Variants in AGBL4 observed in about 807,000 individuals in gnomAD.
AGBL4 encodes cytosolic carboxypeptidase 6.
Under a neutral mutation model 66.4 loss-of-function variants are expected in AGBL4, and 58 were observed. The ratio of observed to expected loss-of-function variants is 0.87; its 90% CI spans 0.71 to 1.09. The LOEUF (loss-of-function observed/expected upper bound fraction) is 1.09, where lower values mean the gene tolerates loss of function less well. AGBL4 is among the 50% of genes least tolerant of loss of function. The pLI, the probability that AGBL4 is intolerant of heterozygous loss-of-function variation, is 0.00. For synonymous variants in AGBL4, 234 were observed against 222.9 expected, an observed-to-expected ratio of 1.05 and a Z score of -0.44; for missense variants, 579 against 631.0, an observed-to-expected ratio of 0.92 and a Z score of 0.88.
chr1:49,519,146 T>C (rs1166839959), intron 3 of AGBL4, among the ~76,000 whole-genome samples: 1 of 152,070 alleles, frequency 6.6e-6, no homozygotes. Context: ...CCATAGAAGA[T>C]AGAAAATAGA....
intron 1 of AGBL4, among the ~76,000 whole-genome samples, chr1:49,877,910 G>A (rs909303354): frequency 1.3e-5 from 2 of 152,032 alleles, no homozygotes; most frequent in African/African-American, 4.8e-5. Context: ...GTCTACGAAT[G>A]TATCCATTTC....
intron 6 of AGBL4, among the ~76,000 whole-genome samples, chr1:48,749,386 G>A (rs927255043): frequency 1.4e-4 from 22 of 152,142 alleles, no homozygotes; most frequent in African/African-American, 4.8e-4. Flanking sequence ...CACTAAACAC[G>A]TGTTTAGCGA....
chr1:49,601,714 A>G (rs890966949), intron 3 of AGBL4, among the ~76,000 whole-genome samples: 1 of 152,230 alleles, frequency 6.6e-6, no homozygotes, highest in Non-Finnish European at 1.5e-5. Context: ...AAGATGGATT[A>G]GAGACTTAAA....
intron 1 of AGBL4, among the ~76,000 whole-genome samples, chr1:49,926,329 G>T (rs1043467828): frequency 6.6e-6 from 1 of 152,162 alleles, no homozygotes; most frequent in East Asian, 1.9e-4. Context: ...CTAGGCTTGG[G>T]GTACCCTTAA....
At chr1:49,391,728 A>G (rs768498491) in intron 3 of AGBL4, among the ~76,000 whole-genome samples, 4 of 151,768 alleles carry the variant, frequency 2.6e-5, no homozygotes, top group African/African-American at 7.3e-5. Context: ...CACCCGGCTA[A>G]TTTTTTGTAT....
At chr1:49,326,417 C>A in intron 3 of AGBL4, among the ~76,000 whole-genome samples, 1 of 152,014 alleles carries the variant, frequency 6.6e-6, no homozygotes, top group Non-Finnish European at 1.5e-5. Flanking sequence ...GTTAATTCTT[C>A]AAGGGAATAT....
intron 11 of AGBL4, among the ~76,000 whole-genome samples, chr1:48,545,437 G>A (rs1644143552): frequency 6.6e-6 from 1 of 152,186 alleles, no homozygotes; most frequent in South Asian, 2.1e-4. Context: ...AGGAGGAGAG[G>A]AGGGATTGAT....
intron 11 of AGBL4, among the ~76,000 whole-genome samples, chr1:48,559,054 G>A (rs1337252818): frequency 6.6e-6 from 1 of 152,112 alleles, no homozygotes; most frequent in African/African-American, 2.4e-5. Flanking sequence ...CTTATACCGG[G>A]ATAGGGTCAT....
At chr1:49,397,122 C>A (rs1051497829) in intron 3 of AGBL4, among the ~76,000 whole-genome samples, 2 of 152,114 alleles carry the variant, frequency 1.3e-5, no homozygotes, top group African/African-American at 4.8e-5. Context: ...TGCTCCCCTC[C>A]TGCTGTGTGG....
intron 1 of AGBL4, among the ~76,000 whole-genome samples, chr1:49,879,315 T>C (rs982466250): frequency 6.6e-6 from 1 of 151,544 alleles, no homozygotes; most frequent in Non-Finnish European, 1.5e-5. Flanking sequence ...TTTCTTTCCA[T>C]GTTTAGCGCT....
intron 3 of AGBL4, among the ~76,000 whole-genome samples, chr1:49,393,334 A>G (rs1024684572): frequency 6.6e-6 from 1 of 152,226 alleles, no homozygotes; most frequent in Non-Finnish European, 1.5e-5. Context: ...ATTGAGTCAC[A>G]TTATTAAGAA....
chr1:49,190,172 A>G (rs1647089048), intron 4 of AGBL4, among the ~76,000 whole-genome samples: 1 of 152,226 alleles, frequency 6.6e-6, no homozygotes, highest in Non-Finnish European at 1.5e-5. Flanking sequence ...TCTAGACAAC[A>G]TGGCTAAGAC....
chr1:49,719,718 T>G (rs1424359883), intron 2 of AGBL4, among the ~76,000 whole-genome samples: 1 of 152,166 alleles, frequency 6.6e-6, no homozygotes, highest in Non-Finnish European at 1.5e-5. Flanking sequence ...TCTTGAATTG[T>G]AGTTCCTATA....
At chr1:49,341,905 T>C (rs1003379768) in intron 3 of AGBL4, among the ~76,000 whole-genome samples, 1 of 152,180 alleles carries the variant, frequency 6.6e-6, no homozygotes, top group Non-Finnish European at 1.5e-5. Context: ...TCCTTTCCTT[T>C]TTCTAACCTT....
chr1:49,258,091 G>C (rs1333700868), intron 3 of AGBL4, among the ~76,000 whole-genome samples: 1 of 152,186 alleles, frequency 6.6e-6, no homozygotes. Context: ...CTGCAGCTGA[G>C]GATCCTGTCT....
At chr1:48,721,141 A>T (rs1006985490) in intron 6 of AGBL4, among the ~76,000 whole-genome samples, 4 of 151,920 alleles carry the variant, frequency 2.6e-5, no homozygotes, top group Admixed American at 2.6e-4. Context: ...GCCATTTATA[A>T]CTGGGCTGAC....
chr1:49,351,926 C>T (rs980822390), intron 3 of AGBL4, among the ~76,000 whole-genome samples: 3 of 152,194 alleles, frequency 2.0e-5, no homozygotes, highest in Admixed American at 1.3e-4. Context: ...CCTAAGCCAT[C>T]GTGAGTCATG....
rs1659752465 is a variant in AGBL4, at chr1:49,989,360, C to T, written c.34+34403G>A. On this transcript the variant is annotated intron_variant, in intron 1 of 13. Transcript: ENST00000371839. ...CAGGAAAGGCTCCAATGGGATGGCA[C>T]CAATGAGGTAGGGTCTAGATAGGAA... is the stretch of plus-strand genomic sequence containing the variant. Among the ~76,000 whole-genome samples, 3 of 151,970 alleles carry T rather than the reference C, an allele frequency of 2.0e-5. No individual in the cohort carries two copies. The South Asian group carries it at 6.2e-4, about 32-fold the overall frequency.
intron 2 of AGBL4, among the ~76,000 whole-genome samples, chr1:49,844,535 C>T (rs1646087082): frequency 6.6e-6 from 1 of 152,020 alleles, no homozygotes; most frequent in African/African-American, 2.4e-5. Context: ...CTCTTCCTTT[C>T]CTGGTTTGCA....
Sources: allele counts gnomAD v4.1 joint callset (sites outside exome capture counted in the v4.1 genomes callset), GRCh38; gene constraint gnomAD v4.1.1; transcripts MANE v1.5; gene names NCBI Gene and HGNC (gene_info 2026-07-23, HGNC 2026-07-21).